Variants in PSG8 observed in about 807,000 individuals in gnomAD.
PSG8 encodes pregnancy specific beta-1-glycoprotein 8.
PSG8 carries 57 observed loss-of-function variants against 42.5 expected under a neutral mutation model. That is an observed-to-expected ratio of 1.34 (90% CI 1.08 to 1.67). The LOEUF (loss-of-function observed/expected upper bound fraction) is 1.67, where lower values mean the gene tolerates loss of function less well. Among genes scored for constraint, PSG8 ranks in the 40% most tolerant of loss-of-function variants. The probability of loss-of-function intolerance (pLI) is 0.00; values close to 1 mark genes in which losing one functional copy is unlikely to be tolerated. For synonymous variants in PSG8, 280 were observed against 196.8 expected (o/e 1.42, Z -3.54); for missense variants, 783 against 518.6 (o/e 1.51, Z -4.95).
downstream of PSG8, chr19:42,753,239 G>T (rs558233510): frequency 4.9e-5 from 38 of 777,514 alleles, no homozygotes; most frequent in Middle Eastern, 7.6e-4. Context: ...CAGGTACAAG[G>T]GTTTTCCCAT....
chr19:42,759,736 T>C (rs1237871384), intron 2 of PSG8, among the ~76,000 whole-genome samples: 1 of 152,150 alleles, frequency 6.6e-6, no homozygotes, highest in East Asian at 1.9e-4. Context: ...CAAAAAATAT[T>C]TGGAGGAAAC....
chr19:42,755,090 T>A lies in PSG8; in HGVS notation c.886A>T (p.Ile296Phe). The change falls in exon 4 of 5, where the codon ATT becomes TTT. Residue 296 changes from isoleucine (I) to phenylalanine (F), a missense_variant. Physicochemically the swap from Ile to Phe is conservative, Grantham distance 21. Transcript: ENST00000306511. ...VKRPIENRILILPSVTRNETG... is the reference protein window; with the variant it reads ...VKRPIENRILFLPSVTRNETG... Reference sequence around the variant, plus strand: ...TCATTTCTCGTGACACTGGGTAGAATGAGGATCCTGTTTTCAATGGGTCGC... The same window carrying A: ...TCATTTCTCGTGACACTGGGTAGAAAGAGGATCCTGTTTTCAATGGGTCGC... 6.2e-7 allele frequency: 1 copy of A among 1,612,176 alleles called. No individual in the cohort carries two copies. The highest frequency in any genetic ancestry group is 8.5e-7 in the Non-Finnish European group (1 of 1,179,792).
At chr19:42,756,424 T>C (rs1356087858) in intron 3 of PSG8, among the ~76,000 whole-genome samples, 1 of 152,164 alleles carries the variant, frequency 6.6e-6, no homozygotes, top group Non-Finnish European at 1.5e-5. Context: ...AATTGAGTAT[T>C]TCTTATGCAT....
intron 1 of PSG8, among the ~76,000 whole-genome samples, chr19:42,765,172 A>C (rs1456477259): frequency 7.5e-6 from 1 of 132,584 alleles, no homozygotes; most frequent in Non-Finnish European, 1.6e-5. Flanking sequence ...TTTTTTTTTG[A>C]GATGGAGTCT....
At chr19:42,762,473 C>T (rs917123598) in intron 2 of PSG8, among the ~76,000 whole-genome samples, 1 of 152,028 alleles carries the variant, frequency 6.6e-6, no homozygotes, top group African/African-American at 2.4e-5. Flanking sequence ...GCTAGAAACT[C>T]CTAGGATTCT....
rs762420558 is a variant in PSG8 at position 42,758,292 on chromosome 19, A to C, written c.431-12T>G. On this transcript the variant is annotated splice_polypyrimidine_tract_variant and intron_variant, in intron 2 of 4. Coordinates refer to ENST00000306511, the MANE Select transcript of PSG8 (RefSeq NM_182707.3). ...CTTGGGAGTCTCCACTGTGCAGAAA[A>C]CAGAGAGAAGATTGCCCTGTGTGGC... 1.2e-6 allele frequency: 2 copies of C among 1,611,750 alleles called. No individual in the cohort carries two copies. Among genetic ancestry groups the C allele is most frequent in the Admixed American group, 3.3e-5 (2 of 59,752 alleles).
intron 2 of PSG8, among the ~76,000 whole-genome samples, chr19:42,762,058 C>T (rs189433120): frequency 0.099 from 14,959 of 150,590 alleles, 491 homozygotes; most frequent in African/African-American, 0.2. Flanking sequence ...GTGATTTCTG[C>T]ACCTTTCCTA....
In PSG8 at chr19:42,765,509, T is replaced by C; in HGVS notation, c.64+9A>G. On this transcript the variant is annotated intron_variant, in intron 1 of 4. Transcript: ENST00000306511. ...CCTCCTGTCCTCTCCCAGGAGGTTCTCTCCTCACCTGTGAGCAGGAGCCCC... is the reference window on the plus strand; with the variant it reads ...CCTCCTGTCCTCTCCCAGGAGGTTCCCTCCTCACCTGTGAGCAGGAGCCCC... 1 of 1,610,344 alleles carries C rather than the reference T, an allele frequency of 6.2e-7. No homozygotes were observed. Among genetic ancestry groups the C allele is most frequent in the Non-Finnish European group, 8.5e-7 (1 of 1,177,576 alleles).
rs1381564211 is a variant in PSG8 at position 42,764,165 on chromosome 19, T to C, written c.181A>G (p.Asn61Asp). The change falls in exon 2 of 5, where the codon AAT becomes GAT. Residue 61 changes from asparagine (N) to aspartate (D), a missense_variant. Asn to Asp is a conservative substitution (Grantham distance 23). Coordinates refer to ENST00000306511, the MANE Select transcript of PSG8 (RefSeq NM_182707.3). ...TTGTACCAGATGTAGCCAGTAAGAT[T>C]CTGGGGCAAATTGTGGACAAGTAGA... Reference protein sequence around the residue: ...VLLLVHNLPQNLTGYIWYKGQ... With the variant: ...VLLLVHNLPQDLTGYIWYKGQ... The C allele has an allele frequency of 5.0e-6, 8 of 1,613,760 alleles. No individual in the cohort carries two copies. Among genetic ancestry groups the C allele is most frequent in the African/African-American group, 2.7e-5 (2 of 74,898 alleles).
chr19:42,758,229 G>A lies in PSG8; in HGVS notation c.482C>T (p.Ala161Val), dbSNP rs371839942. ...ISSSKLNPRE[A>V]MEAVSLTCDP... ...ACAGGTTAAGCTCACAGCCTCCATG[G>A]CCTCCCTGGGGTTTAATTTGCTGCT... The change falls in exon 3 of 5, where the codon GCC becomes GTC. Residue 161 changes from alanine (A) to valine (V), a missense_variant. Coordinates refer to ENST00000306511, the MANE Select transcript of PSG8 (RefSeq NM_182707.3). 1.2e-6 allele frequency: 2 copies of A among 1,613,852 alleles called. No homozygotes were observed. Among genetic ancestry groups the A allele is most frequent in the African/African-American group, 1.3e-5 (1 of 74,868 alleles).
rs762973584 is a variant in PSG8 at position 42,765,517 on chromosome 19, C to T, written c.64+1G>A. 3.7e-6 allele frequency: 6 copies of T among 1,610,818 alleles called. No individual in the cohort carries two copies. Among genetic ancestry groups the T allele is most frequent in the Non-Finnish European group, 4.2e-6 (5 of 1,177,858 alleles). On this transcript the variant is annotated splice_donor_variant, in intron 1 of 4. Transcript: ENST00000306511. LOFTEE classifies it high-confidence loss of function. ...CCTCTCCCAGGAGGTTCTCTCCTCACCTGTGAGCAGGAGCCCCTTCCAGGT... is the reference window on the plus strand; with the variant it reads ...CCTCTCCCAGGAGGTTCTCTCCTCATCTGTGAGCAGGAGCCCCTTCCAGGT...
At chr19:42,761,672 A>G (rs1970077094) in intron 2 of PSG8, among the ~76,000 whole-genome samples, 1 of 152,022 alleles carries the variant, frequency 6.6e-6, no homozygotes, top group South Asian at 2.1e-4. Context: ...CTTATTTTTT[A>G]GTCCTGTGCT....
intron 1 of PSG8, among the ~76,000 whole-genome samples, chr19:42,764,622 A>T (rs1340078107): frequency 6.6e-6 from 1 of 152,074 alleles, no homozygotes; most frequent in African/African-American, 2.4e-5. Flanking sequence ...GGGCATCCTT[A>T]GATTTCTTTC....
intron 3 of PSG8, among the ~76,000 whole-genome samples, chr19:42,757,065 T>G (rs1398528448): frequency 1.3e-5 from 2 of 152,180 alleles, no homozygotes; most frequent in African/African-American, 2.4e-5. Context: ...TTGGTTAAAC[T>G]TATTCCAAAA....
Position 42,754,306 on chromosome 19 carries a change from T to C in PSG8, c.1270A>G (p.Ile424Val), listed in dbSNP as rs1239993591. 3 of 1,613,538 alleles carry C rather than the reference T, an allele frequency of 1.9e-6. No individual in the cohort carries two copies. Among genetic ancestry groups the C allele is most frequent in the Non-Finnish European group, 2.5e-6 (3 of 1,179,692 alleles). The change falls in exon 5 of 5, where the codon ATA becomes GTA. Residue 424 changes from isoleucine to valine, a missense_variant. By Grantham distance (29) the Ile-to-Val change is conservative. Coordinates refer to ENST00000306511, the MANE Select transcript of PSG8 (RefSeq NM_182707.3). ...SGKRIPVSLA[I>V]GI ...CAGATAGACTCCACCTAAATCCCTA[T>C]TGCCAAGGATACTGGGATCCGCTTA...
In PSG8 at chr19:42,758,281, C is replaced by T. The variant is rs139333209; in HGVS notation, c.431-1G>A. The T allele has an allele frequency of 2.8e-5, 45 of 1,613,578 alleles. 1 individual carries two copies. Among genetic ancestry groups the T allele is most frequent in the African/African-American group, 1.1e-4 (8 of 74,996 alleles). On this transcript the variant is annotated splice_acceptor_variant, in intron 2 of 4. Coordinates refer to ENST00000306511, the MANE Select transcript of PSG8 (RefSeq NM_182707.3). LOFTEE classifies it high-confidence loss of function. ...GAGATGGAGGGCTTGGGAGTCTCCACTGTGCAGAAAACAGAGAGAAGATTG... is the reference window on the plus strand; with the variant it reads ...GAGATGGAGGGCTTGGGAGTCTCCATTGTGCAGAAAACAGAGAGAAGATTG...
intron 1 of PSG8, 107 bp downstream of exon 1, chr19:42,765,411 C>G (rs183399488): frequency 2.0e-6 from 3 of 1,536,210 alleles, no homozygotes; most frequent in South Asian, 1.1e-5. Flanking sequence ...CTCAGCCTCC[C>G]AAAGTGCTGG....
intron 2 of PSG8, 57 bp from the exon 3 acceptor site, chr19:42,758,337 G>C (rs903453495): frequency 3.7e-5 from 59 of 1,576,378 alleles, no homozygotes; most frequent in Non-Finnish European, 4.8e-5. Context: ...TCCTCCAAAG[G>C]CATTTTTCAA....
intron 1 of PSG8, among the ~76,000 whole-genome samples, chr19:42,765,293 G>C (rs561875637): frequency 9.9e-5 from 15 of 151,930 alleles, no homozygotes; most frequent in East Asian, 5.8e-4. Context: ...GCTAGGATTA[G>C]AGGAGCACAC....
Sources: allele counts gnomAD v4.1 joint callset (sites outside exome capture counted in the v4.1 genomes callset), GRCh38; gene constraint gnomAD v4.1.1; transcripts MANE v1.5; gene names NCBI Gene and HGNC (gene_info 2026-07-23, HGNC 2026-07-21).